The following GNA14 variants were observed in gnomAD, a reference collection of about 807,000 sequenced individuals.
GNA14 encodes G protein subunit alpha 14.
In GNA14, 50 loss-of-function variants were observed where a neutral mutation model predicts 42.0. That is an observed-to-expected ratio of 1.19 (90% CI 0.95 to 1.51). GNA14 has a LOEUF of 1.51. GNA14 is among the 40% of genes most tolerant of loss of function. The pLI, the probability that GNA14 is intolerant of heterozygous loss-of-function variation, is 0.00. For missense variants in GNA14, 473 were observed against 446.2 expected (o/e 1.06, Z -0.54); for synonymous variants, 173 against 163.1 (o/e 1.06, Z -0.46).
chr9:77,619,571 A>G (rs1007637286), intron 1 of GNA14, among the ~76,000 whole-genome samples: 5 of 152,154 alleles, frequency 3.3e-5, no homozygotes, highest in African/African-American at 4.8e-5. Flanking sequence ...CCAGCTCCGC[A>G]TTTAGTACTG....
At chr9:77,434,318 C>G (rs370489294) in intron 3 of GNA14, 50 bp downstream of exon 3, 1 of 1,553,154 alleles carries the variant, frequency 6.4e-7, no homozygotes, top group Admixed American at 1.8e-5. Flanking sequence ...GAAGTGTGGC[C>G]GAGCTTGCCT....
At chr9:77,498,571 T>A (rs1258355104) in intron 2 of GNA14, among the ~76,000 whole-genome samples, 2 of 152,264 alleles carry the variant, frequency 1.3e-5, no homozygotes, top group African/African-American at 4.8e-5. Context: ...ATTGTGTGAT[T>A]TAATGTGCAT....
chr9:77,514,653 C>G (rs376670241), intron 2 of GNA14, among the ~76,000 whole-genome samples: 33 of 149,798 alleles, frequency 2.2e-4, no homozygotes, highest in African/African-American at 3.9e-4. Flanking sequence ...TCACTCTGTC[C>G]CCCAGGCTAG....
chr9:77,547,612 C>G (rs916342571), intron 1 of GNA14, among the ~76,000 whole-genome samples: 1 of 152,150 alleles, frequency 6.6e-6, no homozygotes, highest in Non-Finnish European at 1.5e-5. Flanking sequence ...ACAATACTTA[C>G]AACAAGGCAG....
chr9:77,526,347 C>A (rs1285905132), intron 2 of GNA14, among the ~76,000 whole-genome samples: 1 of 151,972 alleles, frequency 6.6e-6, no homozygotes, highest in East Asian at 1.9e-4. Flanking sequence ...TCTTGGGGAG[C>A]CAGAGGGGTT....
intron 2 of GNA14, among the ~76,000 whole-genome samples, chr9:77,488,784 T>TAAAAAAA (rs67416479): frequency 3.3e-3 from 177 of 53,642 alleles, no homozygotes; most frequent in East Asian, 7.5e-3. Flanking sequence ...CACACCTAAT[T>TAAAAAAA]AAAAAAAAAA....
intron 1 of GNA14, among the ~76,000 whole-genome samples, chr9:77,620,848 C>CAAAAAA (rs35141766): frequency 1.4e-5 from 1 of 74,044 alleles, no homozygotes; most frequent in African/African-American, 4.8e-5. Context: ...AATCTTGTCT[C>CAAAAAA]AAAAAAAAAA....
chr9:77,480,193 T>C (rs569124884), intron 2 of GNA14, among the ~76,000 whole-genome samples: 22 of 152,324 alleles, frequency 1.4e-4, no homozygotes, highest in African/African-American at 2.9e-4. Context: ...GGGTTTGTCA[T>C]AGATAGCTCT....
At chr9:77,579,992 C>G (rs1235233743) in intron 1 of GNA14, among the ~76,000 whole-genome samples, 2 of 152,194 alleles carry the variant, frequency 1.3e-5, no homozygotes, top group African/African-American at 4.8e-5. Flanking sequence ...TTGCCTTCTT[C>G]TGGCAATTTT....
At chr9:77,472,263 C>T (rs1422890278) in intron 2 of GNA14, among the ~76,000 whole-genome samples, 1 of 152,150 alleles carries the variant, frequency 6.6e-6, no homozygotes, top group Non-Finnish European at 1.5e-5. Flanking sequence ...TTTAACATGT[C>T]ATCAGGGGAA....
At chr9:77,551,312 T>C (rs577228592) in intron 1 of GNA14, among the ~76,000 whole-genome samples, 1 of 152,154 alleles carries the variant, frequency 6.6e-6, no homozygotes, top group Non-Finnish European at 1.5e-5. Flanking sequence ...CATCTACTAA[T>C]GCTGACAACT....
At chr9:77,604,294 A>G (rs1462765431) in intron 1 of GNA14, among the ~76,000 whole-genome samples, 1 of 152,206 alleles carries the variant, frequency 6.6e-6, no homozygotes, top group South Asian at 2.1e-4. Flanking sequence ...TTGTATTTAG[A>G]GAAAATCAAC....
chr9:77,448,249 T>A (rs1280513472), intron 2 of GNA14, among the ~76,000 whole-genome samples: 3 of 152,238 alleles, frequency 2.0e-5, no homozygotes, highest in African/African-American at 7.2e-5. Context: ...CTGACCCTGC[T>A]ACAAACAGTC....
At chr9:77,580,596 C>T (rs1823205225) in intron 1 of GNA14, 3 of 498,512 alleles carry the variant, frequency 6.0e-6, no homozygotes, top group Admixed American at 4.7e-5. Flanking sequence ...GCACCAATGA[C>T]ATGTTCAGGC....
At chr9:77,490,777 C>T (rs1277990850) in intron 2 of GNA14, among the ~76,000 whole-genome samples, 1 of 152,232 alleles carries the variant, frequency 6.6e-6, no homozygotes, top group Non-Finnish European at 1.5e-5. Context: ...CCACACCTCC[C>T]TGCAAGCTGA....
At chr9:77,529,303 C>A in intron 1 of GNA14, 50 bp from the exon 2 acceptor site, 1 of 1,424,424 alleles carries the variant, frequency 7.0e-7, no homozygotes. Context: ...TCCAAAGGAA[C>A]ACACGAAGAA....
intron 2 of GNA14, among the ~76,000 whole-genome samples, chr9:77,503,229 A>G (rs1837003757): frequency 6.6e-6 from 1 of 152,192 alleles, no homozygotes; most frequent in African/African-American, 2.4e-5. Context: ...CAAATAGGAC[A>G]TGACCTGTTC....
chr9:77,441,720 A>G (rs1252301969), intron 2 of GNA14, among the ~76,000 whole-genome samples: 4 of 152,110 alleles, frequency 2.6e-5, no homozygotes, highest in Non-Finnish European at 5.9e-5. Context: ...AAAATATATT[A>G]TTAAATATGA....
intron 2 of GNA14, among the ~76,000 whole-genome samples, chr9:77,527,910 C>T (rs1837466372): frequency 6.6e-6 from 1 of 152,182 alleles, no homozygotes. Flanking sequence ...GCTGGGATTA[C>T]AGGCATAAGC....
Sources: allele counts gnomAD v4.1 joint callset (sites outside exome capture counted in the v4.1 genomes callset), GRCh38; gene constraint gnomAD v4.1.1; transcripts MANE v1.5; gene names NCBI Gene and HGNC (gene_info 2026-07-23, HGNC 2026-07-21).